The following CAMK1G variants were observed in gnomAD, a reference collection of about 807,000 sequenced individuals.
CAMK1G encodes the protein calcium/calmodulin-dependent protein kinase type 1G.
A neutral mutation model predicts 54.8 loss-of-function variants in CAMK1G; 27 were observed. That is an observed-to-expected ratio of 0.49 (90% CI 0.36 to 0.68). CAMK1G has a LOEUF of 0.68. Ranked by LOEUF, CAMK1G falls within the 30% of genes least tolerant of loss-of-function variation. The pLI, the probability that CAMK1G is intolerant of heterozygous loss-of-function variation, is 0.00. For missense variants in CAMK1G, 512 were observed against 591.0 expected (o/e 0.87, Z 1.39); for synonymous variants, 238 against 224.9 (o/e 1.06, Z -0.52).
chr1:209,589,371 G>A (rs1032107339), intron 1 of CAMK1G, among the ~76,000 whole-genome samples: 3 of 152,166 alleles, frequency 2.0e-5, no homozygotes, highest in African/African-American at 7.2e-5. Context: ...GGCCTTCTAT[G>A]GCCATTCCAC....
At chr1:209,607,412 G>A (rs1665675837) in intron 6 of CAMK1G, among the ~76,000 whole-genome samples, 2 of 152,254 alleles carry the variant, frequency 1.3e-5, no homozygotes, top group South Asian at 4.1e-4. Context: ...ATCTAATGGG[G>A]GTGACTCAGT....
intron 4 of CAMK1G, among the ~76,000 whole-genome samples, chr1:209,604,566 C>T (rs908224846): frequency 6.6e-6 from 1 of 152,142 alleles, no homozygotes; most frequent in Non-Finnish European, 1.5e-5. Context: ...ATTCTTTTCC[C>T]TCATCACTAG....
At chr1:209,603,021 G>C (rs534996652) in intron 3 of CAMK1G, among the ~76,000 whole-genome samples, 193 bp from the exon 4 acceptor site, 1 of 152,140 alleles carries the variant, frequency 6.6e-6, no homozygotes, top group Non-Finnish European at 1.5e-5. Flanking sequence ...AACACGGACC[G>C]AGCACCTCCA....
In CAMK1G at chr1:209,605,476, C is replaced by A. The variant is rs971177196; in HGVS notation, c.297-60C>A. The A allele has an allele frequency of 1.4e-5, 22 of 1,579,768 alleles. No individual in the cohort carries two copies. In the African/African-American group the frequency reaches 2.8e-4, roughly 20 times the overall value. ...GTCCCCCAAGGCTTCAAAGCAAACACCTTCTCATTACTTTGAGTGAAATGA... is the reference window on the plus strand; with the variant it reads ...GTCCCCCAAGGCTTCAAAGCAAACAACTTCTCATTACTTTGAGTGAAATGA... On this transcript the variant is annotated intron_variant, in intron 4 of 12. Transcript: ENST00000361322.
chr1:209,599,534 C>G (rs1343183333), intron 2 of CAMK1G, among the ~76,000 whole-genome samples: 1 of 152,134 alleles, frequency 6.6e-6, no homozygotes, highest in Admixed American at 6.5e-5. Context: ...GAACCTTTAC[C>G]TATCAAGGAC....
intron 1 of CAMK1G, among the ~76,000 whole-genome samples, chr1:209,591,162 C>T (rs35503098): frequency 0.19 from 28,544 of 151,924 alleles, 2,889 homozygotes; most frequent in African/African-American, 0.25. Context: ...TGTACCGTGC[C>T]CTCGAAGTCA....
At chr1:209,607,989 C>G (rs551580196) in intron 7 of CAMK1G, 56 bp downstream of exon 7, 3 of 1,363,918 alleles carry the variant, frequency 2.2e-6, no homozygotes, top group African/African-American at 2.9e-5. Flanking sequence ...CCTGCTTACC[C>G]CTTCTCGTTC....
intron 2 of CAMK1G, among the ~76,000 whole-genome samples, chr1:209,596,663 A>C (rs1322276865): frequency 4.5e-4 from 7 of 15,576 alleles, no homozygotes; most frequent in Admixed American, 8.0e-4. Context: ...CACACACACC[A>C]CACACACACA....
chr1:209,607,364 TGATGGGA>T (rs1295659304), intron 6 of CAMK1G, among the ~76,000 whole-genome samples: 1 of 152,176 alleles, frequency 6.6e-6, no homozygotes, highest in Non-Finnish European at 1.5e-5. Flanking sequence ...ACCCACAGTC[TGATGGGA>T]GACATACTGC....
chr1:209,603,395 T>A lies in CAMK1G; in HGVS notation c.296+107T>A, dbSNP rs1186558084. The A allele has an allele frequency of 6.0e-6, 5 of 827,850 alleles. No homozygotes were observed. In the East Asian group the frequency reaches 1.3e-4, roughly 21 times the overall value. 51.3% of individuals were successfully genotyped at this position (827,850 alleles called of 1,614,324 possible). On this transcript the variant is annotated intron_variant, in intron 4 of 12. Transcript: ENST00000361322. ...ATGGACAGCAATTCAAAGACAAAAATGAAGACTTCATTCAGGAGGCTCAGA... is the reference window on the plus strand; with the variant it reads ...ATGGACAGCAATTCAAAGACAAAAAAGAAGACTTCATTCAGGAGGCTCAGA...
intron 5 of CAMK1G, among the ~76,000 whole-genome samples, chr1:209,605,878 C>T (rs560532233): frequency 1.3e-5 from 2 of 152,178 alleles, no homozygotes; most frequent in African/African-American, 2.4e-5. Context: ...GAAACTTTCA[C>T]TATGCCTTAC....
At chr1:209,591,842 G>T (rs1665257981) in intron 1 of CAMK1G, among the ~76,000 whole-genome samples, 1 of 152,128 alleles carries the variant, frequency 6.6e-6, no homozygotes, top group African/African-American at 2.4e-5. Context: ...TAAAGGCCCT[G>T]ATCCCAGCTG....
intron 2 of CAMK1G, among the ~76,000 whole-genome samples, chr1:209,597,414 A>G (rs979940383): frequency 1.3e-5 from 2 of 152,168 alleles, no homozygotes; most frequent in African/African-American, 4.8e-5. Flanking sequence ...ACCAATACTA[A>G]TCTTAGTGCC....
At chr1:209,588,981 T>G (rs1280881892) in intron 1 of CAMK1G, among the ~76,000 whole-genome samples, 1 of 152,110 alleles carries the variant, frequency 6.6e-6, no homozygotes, top group Non-Finnish European at 1.5e-5. Context: ...GCTGCAGAGT[T>G]TTCCCCCAAG....
chr1:209,587,996 G>A (rs374786433), intron 1 of CAMK1G, among the ~76,000 whole-genome samples: 57 of 152,228 alleles, frequency 3.7e-4, no homozygotes, highest in African/African-American at 1.3e-3. Context: ...GGAAAATCCC[G>A]GAAGCAGAGA....
chr1:209,611,646 C>T, intron 10 of CAMK1G, 94 bp downstream of exon 10: 2 of 1,476,066 alleles, frequency 1.4e-6, no homozygotes, highest in South Asian at 2.4e-5. Context: ...TTGGGATGTC[C>T]CAGAAGGCAT....
Position 209,612,804 on chromosome 1 carries a change from A to C in CAMK1G, c.1360A>C (p.Met454Leu). ...NKKQNFKSEV[M>L]VPVKASGSSH... ...TTCTAGGAACTTCAAGTCGGAGGTCATGGTACCAGTTAAAGCCAGTGGCAG... is the reference window on the plus strand; with the variant it reads ...TTCTAGGAACTTCAAGTCGGAGGTCCTGGTACCAGTTAAAGCCAGTGGCAG... The change falls in exon 12 of 13, where the codon ATG (methionine) becomes CTG (leucine). Residue 454 changes from methionine (M) to leucine (L), a missense_variant. By Grantham distance (15) the Met-to-Leu change is conservative. Coordinates refer to ENST00000361322, the MANE Select transcript of CAMK1G (RefSeq NM_020439.3). The C allele has an allele frequency of 6.2e-7, 1 of 1,613,448 alleles. No individual in the cohort carries two copies. The highest frequency in any genetic ancestry group is 8.5e-7 in the Non-Finnish European group (1 of 1,179,534).
intron 3 of CAMK1G, among the ~76,000 whole-genome samples, chr1:209,602,063 C>T (rs868473059): frequency 5.3e-5 from 8 of 152,162 alleles, no homozygotes; most frequent in Admixed American, 3.9e-4. Flanking sequence ...CAAGCCGAGC[C>T]CCTCTGCTAA....
chr1:209,605,527 T>C lies in CAMK1G; in HGVS notation c.297-9T>C, dbSNP rs768282615. ...GAACTGAATTCCTGTCTTGATCCTA[T>C]GCCCACAGTGTTTCTGGTGGGGAGC... is the stretch of plus-strand genomic sequence containing the variant. On this transcript the variant is annotated splice_polypyrimidine_tract_variant and intron_variant, in intron 4 of 12. Transcript: ENST00000361322. The C allele has an allele frequency of 3.7e-6, 6 of 1,613,400 alleles. No homozygotes were observed. Among genetic ancestry groups the C allele is most frequent in the Non-Finnish European group, 3.4e-6 (4 of 1,179,596 alleles).
Sources: gnomAD v4.1 joint callset for allele counts (sites outside exome capture counted in the v4.1 genomes callset) on GRCh38, gnomAD v4.1.1 for gene constraint, MANE v1.5 for transcripts, NCBI Gene and HGNC (gene_info 2026-07-23, HGNC 2026-07-21) for gene names.